PCDHGA1: variants seen among roughly 807,000 people sequenced by gnomAD.
PCDHGA1 encodes protocadherin gamma subfamily A, 1, also known as protocadherin gamma-A1.
In PCDHGA1, 32 loss-of-function variants were observed where a neutral mutation model predicts 58.0. The observed-to-expected ratio is 0.55, with a 90% CI of 0.42 to 0.74. The LOEUF is 0.74. Ranked by LOEUF, PCDHGA1 falls within the 30% of genes least tolerant of loss-of-function variation. The probability of loss-of-function intolerance (pLI) is 0.00; values close to 1 mark genes in which losing one functional copy is unlikely to be tolerated. For missense variants in PCDHGA1, 1,205 were observed against 1,182.3 expected (o/e 1.02, Z -0.28); for synonymous variants, 498 against 501.1 (o/e 0.99, Z 0.08).
intron 3 of PCDHGA1, among the ~76,000 whole-genome samples, chr5:141,509,065 T>A (rs1294546432): frequency 6.6e-6 from 1 of 152,018 alleles, no homozygotes; most frequent in Non-Finnish European, 1.5e-5. Context: ...AGCTCTCAGC[T>A]CCGGGGATTT....
In PCDHGA1 at chr5:141,340,776, C is replaced by T. The variant is rs530918973; in HGVS notation, c.2421+7671C>T. The T allele has an allele frequency of 2.0e-5, 33 of 1,613,906 alleles. No homozygotes were observed. The highest frequency in any genetic ancestry group is 4.5e-5 in the East Asian group (2 of 44,844). On this transcript the variant is annotated intron_variant, in intron 1 of 3. Transcript: ENST00000517417. Reference sequence around the variant, plus strand: ...GTGGACAGAGACTCGGGCCAGAACGCCTGGCTGTCTTACCACCTGCTCAAG... The same window carrying T: ...GTGGACAGAGACTCGGGCCAGAACGTCTGGCTGTCTTACCACCTGCTCAAG...
chr5:141,382,904 C>G, intron 1 of PCDHGA1: 1 of 1,543,132 alleles, frequency 6.5e-7, no homozygotes, highest in Non-Finnish European at 8.7e-7. Context: ...ACGACTATGG[C>G]GGCTCAGCCG....
In PCDHGA1 at chr5:141,357,783, T is replaced by G. The variant is rs148673110; in HGVS notation, c.2421+24678T>G. 4.8e-3 allele frequency: 4,076 copies of G among 849,618 alleles called. 24 individuals carry two copies. The highest frequency in any genetic ancestry group is 0.011 in the Admixed American group (355 of 33,800). 52.6% of individuals were successfully genotyped at this position (849,618 alleles called of 1,614,324 possible). A position where few individuals can be genotyped will look rare whatever the true frequency, so the allele number is the denominator to read the frequency against. ...ATGACCTTCCAATAATGATCAACAG[T>G]ATTTACCACACAAAAATGTTGTTTA... On this transcript the variant is annotated intron_variant, in intron 1 of 3. Transcript: ENST00000517417.
intron 1 of PCDHGA1, among the ~76,000 whole-genome samples, chr5:141,435,500 A>G (rs896915416): frequency 6.6e-6 from 1 of 152,176 alleles, no homozygotes; most frequent in African/African-American, 2.4e-5. Context: ...TCCTACACTA[A>G]TGATACTAAT....
chr5:141,505,486 G>A lies in PCDHGA1; in HGVS notation c.2569+5G>A, dbSNP rs1291166546. The A allele has an allele frequency of 1.8e-5, 29 of 1,614,088 alleles. No homozygotes were observed. The highest frequency in any genetic ancestry group is 2.1e-5 in the Non-Finnish European group (25 of 1,180,018). On this transcript the variant is annotated splice_donor_5th_base_variant and intron_variant, in intron 3 of 3. Transcript: ENST00000517417. ...TGATCTTGGCGTCCGCCAGTGGTAA[G>A]TGGTGTCAGTGTGTGTATGGAAGAG...
At chr5:141,427,733 C>T (rs2097062553) in intron 1 of PCDHGA1, 2 of 1,200,562 alleles carry the variant, frequency 1.7e-6, no homozygotes, top group East Asian at 4.7e-5. Context: ...GGCTGAATGG[C>T]CAAGTCTCCT....
At chr5:141,367,133 A>G (rs1764963646) in intron 1 of PCDHGA1, 1 of 207,884 alleles carries the variant, frequency 4.8e-6, no homozygotes, top group Non-Finnish European at 9.7e-6. Context: ...GTGTTTTGGA[A>G]AGGATAATGT....
At chr5:141,452,377 A>G (rs2098740152) in intron 1 of PCDHGA1, among the ~76,000 whole-genome samples, 1 of 152,222 alleles carries the variant, frequency 6.6e-6, no homozygotes, top group African/African-American at 2.4e-5. Flanking sequence ...TTAGTAGGGA[A>G]TAGTATTTAG....
At chr5:141,474,016 G>A (rs1286684019) in intron 1 of PCDHGA1, among the ~76,000 whole-genome samples, 1 of 152,128 alleles carries the variant, frequency 6.6e-6, no homozygotes, top group Non-Finnish European at 1.5e-5. Context: ...GTTACAGTGA[G>A]CTATGATTAT....
rs61612330 is a variant in PCDHGA1, at chr5:141,454,796, A to ATTTTTTTTTTTTTTTTTT, written c.2422-39999_2422-39982dup. Reference sequence around the variant, plus strand: ...AAGGAAATAATCCTCCATGGTTCTAATTTTTTTTTTTTTTTTTTTTTTTTT... The same window carrying ATTTTTTTTTTTTTTTTTT: ...AAGGAAATAATCCTCCATGGTTCTAATTTTTTTTTTTTTTTTTTTTTTTTTTTTTTTTTTTTTTTTTTT... On this transcript the variant is annotated intron_variant, in intron 1 of 3. Coordinates refer to ENST00000517417, the MANE Select transcript of PCDHGA1 (RefSeq NM_018912.3). 9.0e-4 allele frequency among the ~76,000 whole-genome samples: 70 copies of ATTTTTTTTTTTTTTTTTT among 77,458 alleles called. 9 individuals carry two copies. Among genetic ancestry groups the ATTTTTTTTTTTTTTTTTT allele is most frequent in the Non-Finnish European group, 1.1e-3 (48 of 42,814 alleles). The allele number at this position is 77,458 out of a possible 152,430, so 50.8% of individuals were successfully genotyped here. A position where few individuals can be genotyped will look rare whatever the true frequency, so the allele number is the denominator to read the frequency against.
intron 1 of PCDHGA1, chr5:141,345,220 AATCAATAG>A: frequency 6.2e-7 from 1 of 1,613,928 alleles, no homozygotes; most frequent in African/African-American, 1.3e-5. Flanking sequence ...AAGTTAGAAA[AATCAATAG>A]ATCAATATTA....
chr5:141,474,486 C>G (rs531956129), intron 1 of PCDHGA1, among the ~76,000 whole-genome samples: 11 of 152,326 alleles, frequency 7.2e-5, no homozygotes, highest in African/African-American at 2.4e-4. Context: ...TAAATGTATT[C>G]TATCTTCTAA....
chr5:141,399,143 A>G (rs750976328), intron 1 of PCDHGA1: 12 of 1,613,780 alleles, frequency 7.4e-6, no homozygotes, highest in Admixed American at 3.3e-5. Context: ...GAAAATGACA[A>G]TAGCCCAGAA....
At chr5:141,382,189 A>G (rs1588915821) in intron 1 of PCDHGA1, among the ~76,000 whole-genome samples, 1 of 152,174 alleles carries the variant, frequency 6.6e-6, no homozygotes, top group African/African-American at 2.4e-5. Flanking sequence ...GGTTCTATAC[A>G]ATCAAAAATT....
At chr5:141,398,593 G>A (rs2093676056) in intron 1 of PCDHGA1, 1 of 1,614,044 alleles carries the variant, frequency 6.2e-7, no homozygotes, top group Non-Finnish European at 8.5e-7. Flanking sequence ...TATACTAGAA[G>A]TAGCAGAAGA....
At chr5:141,355,363 G>T (rs1284145251) in intron 1 of PCDHGA1, 1 of 1,614,034 alleles carries the variant, frequency 6.2e-7, no homozygotes, top group African/African-American at 1.3e-5. Flanking sequence ...CCTGGGGTTG[G>T]CGCCCCGGGA....
rs551414580 is a variant in PCDHGA1, at chr5:141,493,693, C to T, written c.2422-1114C>T. ...GCCCCAGAATGGTGCTGGTGACTCC[C>T]GATACACCTGGAATGCTAGGTTTCT... On this transcript the variant is annotated intron_variant, in intron 1 of 3. Coordinates refer to ENST00000517417, the MANE Select transcript of PCDHGA1 (RefSeq NM_018912.3). This position sits in a 1 kb window ranked among gnomAD's most constrained non-coding sequence, Gnocchi z 4.3. 5.3e-5 allele frequency among the ~76,000 whole-genome samples: 8 copies of T among 152,168 alleles called. No individual in the cohort carries two copies. Among genetic ancestry groups the T allele is most frequent in the Non-Finnish European group, 1.0e-4 (7 of 68,032 alleles).
intron 1 of PCDHGA1, chr5:141,338,789 G>C (rs1327874665): frequency 5.2e-6 from 7 of 1,343,610 alleles, no homozygotes; most frequent in East Asian, 2.7e-5. Context: ...CACAGCACAA[G>C]GGGGTGGAGG....
intron 1 of PCDHGA1, among the ~76,000 whole-genome samples, chr5:141,481,049 C>A (rs1165894624): frequency 1.3e-5 from 2 of 152,096 alleles, no homozygotes; most frequent in Non-Finnish European, 2.9e-5. Context: ...CAGAGCGAGA[C>A]TCCACCTCAA....
Sources: allele counts gnomAD v4.1 joint callset (sites outside exome capture counted in the v4.1 genomes callset), GRCh38; gene constraint gnomAD v4.1.1; non-coding constraint Gnocchi (gnomAD v3.1); transcripts MANE v1.5; gene names NCBI Gene and HGNC (gene_info 2026-07-23, HGNC 2026-07-21).